The following PVT1 variants were observed in gnomAD, a reference collection of about 807,000 sequenced individuals.
PVT1 encodes the protein Pvt1 oncogene, also known as CXCR4/PVT1 fusion.
At chr8:127,847,416 A>G (rs776607873) in intron 2 of PVT1, among the ~76,000 whole-genome samples, 8 of 152,224 alleles carry the variant, frequency 5.3e-5, no homozygotes, top group Non-Finnish European at 8.8e-5. Context: ...GGCATTCTCT[A>G]TCCAAACTAC....
At chr8:127,875,228 G>A (rs561686238) in intron 2 of PVT1, among the ~76,000 whole-genome samples, 70 of 152,250 alleles carry the variant, frequency 4.6e-4, no homozygotes, top group African/African-American at 1.6e-3. Flanking sequence ...CTTCCTCCGG[G>A]TGTTACGGTT....
chr8:127,987,969 T>TG (rs1816989193), intron 3 of PVT1, among the ~76,000 whole-genome samples: 1 of 152,218 alleles, frequency 6.6e-6, no homozygotes, highest in South Asian at 2.1e-4. Flanking sequence ...AACTGGACTC[T>TG]GAGTGCAGGA....
chr8:127,954,697 G>A (rs541727414), intron 3 of PVT1, among the ~76,000 whole-genome samples: 1 of 152,314 alleles, frequency 6.6e-6, no homozygotes, highest in East Asian at 1.9e-4. Context: ...GGCCCAGGGA[G>A]TGGCTTCCCC....
chr8:127,856,315 C>CT (rs1209990608), intron 2 of PVT1, among the ~76,000 whole-genome samples: 3 of 150,662 alleles, frequency 2.0e-5, no homozygotes, highest in Admixed American at 6.6e-5. Flanking sequence ...GCCTAGGACT[C>CT]TAAGTGCTTC....
chr8:127,994,173 C>T (rs1476622011), intron 4 of PVT1, among the ~76,000 whole-genome samples: 1 of 152,238 alleles, frequency 6.6e-6, no homozygotes, highest in Non-Finnish European at 1.5e-5. Flanking sequence ...CCTCTGCCCA[C>T]TCCTAGTCCC....
At chr8:128,073,659 C>A (rs188710305) in intron 5 of PVT1, among the ~76,000 whole-genome samples, 1 of 152,288 alleles carries the variant, frequency 6.6e-6, no homozygotes, top group East Asian at 1.9e-4. Flanking sequence ...CCCATTTCAA[C>A]TTGTGAGGAA....
In PVT1 at chr8:128,049,195, A is replaced by C. The variant is rs368654133; in HGVS notation, n.913-20965A>C. 1.5e-5 allele frequency: 8 copies of C among 531,724 alleles called. No individual in the cohort carries two copies. The African/African-American group carries it at 1.5e-4, about 10-fold the overall frequency. The allele number at this position is 531,724 out of a possible 1,614,324, so 32.9% of individuals were successfully genotyped here. The stretch of plus-strand genomic sequence containing the variant: ...CTGGGAGGGGCTGGCTGGGTCTGGT[A>C]GTGGGCATCAGCTGGCCCTCATTTC... On this transcript the variant is annotated intron_variant and non_coding_transcript_variant, in intron 4 of 10. Coordinates refer to ENST00000651587, the Ensembl canonical transcript of PVT1.
At chr8:127,825,371 C>T (rs1320469278) in intron 2 of PVT1, among the ~76,000 whole-genome samples, 1 of 152,142 alleles carries the variant, frequency 6.6e-6, no homozygotes, top group Non-Finnish European at 1.5e-5. Flanking sequence ...ATTTTTTCCT[C>T]CATGGAGTTG....
intron 3 of PVT1, among the ~76,000 whole-genome samples, chr8:127,953,143 T>C (rs574749462): frequency 6.6e-6 from 1 of 152,318 alleles, no homozygotes; most frequent in Admixed American, 6.5e-5. Context: ...CAAGGACCTG[T>C]CTGGAATTTG....
intron 2 of PVT1, among the ~76,000 whole-genome samples, chr8:127,842,490 T>A (rs924059741): frequency 6.6e-6 from 1 of 152,008 alleles, no homozygotes; most frequent in Non-Finnish European, 1.5e-5. Flanking sequence ...GGTCTTGAAC[T>A]CCTGGCTTCA....
At chr8:127,919,464 T>C (rs182601901) in intron 3 of PVT1, among the ~76,000 whole-genome samples, 1 of 152,370 alleles carries the variant, frequency 6.6e-6, no homozygotes, top group Non-Finnish European at 1.5e-5. Flanking sequence ...CTTTGGAGAC[T>C]GAAGGCTTCT....
chr8:127,852,480 T>C (rs1042075788), intron 2 of PVT1: 4 of 152,274 alleles, frequency 2.6e-5, no homozygotes, highest in African/African-American at 9.6e-5. Flanking sequence ...CTGCTGGGGT[T>C]TGAATCCACC....
chr8:128,065,795 C>T (rs1029200471), intron 4 of PVT1, among the ~76,000 whole-genome samples: 6 of 152,194 alleles, frequency 3.9e-5, no homozygotes, highest in Admixed American at 1.3e-4. Flanking sequence ...CACTGAGTTC[C>T]GACAATGTGC....
At chr8:127,903,514 A>G (rs918681920) in intron 3 of PVT1, among the ~76,000 whole-genome samples, 4 of 152,154 alleles carry the variant, frequency 2.6e-5, no homozygotes, top group Admixed American at 2.6e-4. Flanking sequence ...CAAGGCCTAT[A>G]TTGAGAGGGG....
intron 4 of PVT1, among the ~76,000 whole-genome samples, chr8:128,019,156 A>C (rs1817406137): frequency 6.6e-6 from 1 of 152,254 alleles, no homozygotes; most frequent in African/African-American, 2.4e-5. Context: ...CACGGTGCCC[A>C]GGATGCTGCT....
At chr8:127,848,648 A>T (rs180709697) in intron 2 of PVT1, among the ~76,000 whole-genome samples, 5 of 152,270 alleles carry the variant, frequency 3.3e-5, no homozygotes, top group East Asian at 1.9e-4. Flanking sequence ...GCGCCATTGC[A>T]CTCCAGCCTG....
At chr8:127,882,543 G>A (rs12678781) in intron 2 of PVT1, among the ~76,000 whole-genome samples, 27,160 of 151,790 alleles carry the variant, frequency 0.18, 3,144 homozygotes, top group African/African-American at 0.29. Flanking sequence ...GAGTGCAATG[G>A]CACAATCTCG....
intron 3 of PVT1, among the ~76,000 whole-genome samples, chr8:127,914,783 G>A (rs528561043): frequency 6.6e-6 from 1 of 150,632 alleles, no homozygotes; most frequent in East Asian, 1.9e-4. Flanking sequence ...GCCATGGGGA[G>A]TAGCTGCTTA....
intron 4 of PVT1, among the ~76,000 whole-genome samples, chr8:128,028,474 G>A (rs1370181742): frequency 6.6e-6 from 1 of 152,252 alleles, no homozygotes; most frequent in Admixed American, 6.5e-5. Flanking sequence ...AGAACTGGCA[G>A]CAGGAATAGC....
Sources: allele counts gnomAD v4.1 joint callset (sites outside exome capture counted in the v4.1 genomes callset), GRCh38; gene constraint gnomAD v4.1.1; transcripts MANE v1.5; gene names NCBI Gene and HGNC (gene_info 2026-07-23, HGNC 2026-07-21).